RGS7: variants seen among roughly 807,000 people sequenced by gnomAD.
RGS7 encodes the protein regulator of G-protein signaling 7.
RGS7 carries 27 observed loss-of-function variants against 81.1 expected under a neutral mutation model. That is an observed-to-expected ratio of 0.33 (90% CI 0.25 to 0.46). The LOEUF is 0.46. RGS7 is among the 20% of genes least tolerant of loss of function. The pLI is 1.00. For synonymous variants in RGS7, 208 were observed against 207.7 expected (o/e 1.00, Z -0.01); for missense variants, 396 against 607.4 (o/e 0.65, Z 3.66).
chr1:241,242,311 T>C (rs1402848626), intron 2 of RGS7, among the ~76,000 whole-genome samples: 4 of 112,840 alleles, frequency 3.5e-5, no homozygotes, highest in South Asian at 3.4e-4. Flanking sequence ...GATGAGTAGA[T>C]AGATAGATAG....
chr1:240,884,932 C>T (rs1318604474), intron 6 of RGS7, among the ~76,000 whole-genome samples: 5 of 152,156 alleles, frequency 3.3e-5, no homozygotes, highest in Admixed American at 1.3e-4. Flanking sequence ...AGAGCTTCTG[C>T]ACAGCAGAAG....
At position 241,147,727 on chromosome 1, in the gene RGS7, T is replaced by G. The variant is rs111646794; in HGVS notation, c.79-48965A>C. Among the ~76,000 whole-genome samples the G allele has an allele frequency of 4.5e-3, 647 of 143,704 alleles. 7 individuals are homozygous for G. The highest frequency in any genetic ancestry group is 0.016 in the African/African-American group (600 of 38,216). 94.3% of individuals were successfully genotyped at this position (143,704 alleles called of 152,430 possible). The stretch of plus-strand genomic sequence containing the variant: ...ATCAATTCACAAGGTAACAGAATTT[T>G]GATTTTTTTCCCCTTTTTAGGTGCG... On this transcript the variant is annotated intron_variant, in intron 2 of 18. Transcript: ENST00000440928.
intron 6 of RGS7, among the ~76,000 whole-genome samples, chr1:240,890,448 G>T (rs142140936): frequency 6.6e-6 from 1 of 152,276 alleles, no homozygotes; most frequent in Non-Finnish European, 1.5e-5. Context: ...ACCATACCCA[G>T]CCTTGCCTCC....
intron 10 of RGS7, among the ~76,000 whole-genome samples, chr1:240,819,946 A>G (rs567227578): frequency 6.6e-6 from 1 of 152,226 alleles, no homozygotes. Context: ...GGATAGTGAT[A>G]GCGTTTAACT....
rs556509692 is a variant in RGS7 at position 241,327,398 on chromosome 1, T to C, written c.78+28301A>G. 5.3e-5 allele frequency among the ~76,000 whole-genome samples: 8 copies of C among 152,266 alleles called. No individual in the cohort carries two copies. In the East Asian group the frequency reaches 1.5e-3, roughly 29 times the overall value. On this transcript the variant is annotated intron_variant, in intron 2 of 18. Coordinates refer to ENST00000440928, the MANE Select transcript of RGS7 (RefSeq NM_001364886.1). The stretch of plus-strand genomic sequence containing the variant: ...GATGAAGGCAATGAACTAAATAGCC[T>C]AAAGAGTAAAAACATGTTATTATGG...
At chr1:241,072,247 C>T (rs1308141087) in intron 3 of RGS7, among the ~76,000 whole-genome samples, 1 of 152,200 alleles carries the variant, frequency 6.6e-6, no homozygotes, top group Non-Finnish European at 1.5e-5. Context: ...GATGCCCTGG[C>T]CAAAGTGGCC....
chr1:240,994,518 T>A (rs1686977106), intron 3 of RGS7, among the ~76,000 whole-genome samples: 1 of 152,180 alleles, frequency 6.6e-6, no homozygotes, highest in South Asian at 2.1e-4. Flanking sequence ...ATTTATTGCA[T>A]ATCCTGTAAT....
At chr1:241,343,192 G>A (rs1290331311) in intron 2 of RGS7, among the ~76,000 whole-genome samples, 1 of 151,552 alleles carries the variant, frequency 6.6e-6, no homozygotes, top group Non-Finnish European at 1.5e-5. Context: ...AACCCGGGAG[G>A]TGGAGCTTGC....
chr1:240,872,348 A>T (rs1001286565), intron 6 of RGS7, among the ~76,000 whole-genome samples: 1 of 152,132 alleles, frequency 6.6e-6, no homozygotes, highest in African/African-American at 2.4e-5. Context: ...TCTTAGCTAC[A>T]CTTGGGAGGC....
intron 2 of RGS7, among the ~76,000 whole-genome samples, chr1:241,310,825 TATTC>T (rs1255197146): frequency 3.3e-5 from 5 of 152,168 alleles, no homozygotes; most frequent in Non-Finnish European, 7.4e-5. Context: ...TAAAATTCAC[TATTC>T]AATCAAAGGG....
At chr1:241,072,315 C>T (rs1207217305) in intron 3 of RGS7, among the ~76,000 whole-genome samples, 5 of 152,204 alleles carry the variant, frequency 3.3e-5, no homozygotes, top group East Asian at 1.9e-4. Flanking sequence ...GCGTTGGAAC[C>T]GTGTCTGGGC....
intron 3 of RGS7, among the ~76,000 whole-genome samples, chr1:240,993,093 A>AGGAAGGAAGGAAGGAGGGAGGGAGGGAG (rs201532830): frequency 1.2e-5 from 1 of 85,452 alleles, no homozygotes; most frequent in African/African-American, 5.0e-5. Context: ...GAAGGAAGGA[A>AGGAAGGAAGGAAGGAGGGAGGGAGGGAG]GGAGGGAGGG....
chr1:240,931,562 T>C (rs1675448258), intron 5 of RGS7, among the ~76,000 whole-genome samples: 1 of 152,020 alleles, frequency 6.6e-6, no homozygotes, highest in Non-Finnish European at 1.5e-5. Context: ...AAACACCTAT[T>C]ATGTACCCAC....
chr1:241,277,618 C>CAA (rs34520025), intron 2 of RGS7, among the ~76,000 whole-genome samples: 1,907 of 132,724 alleles, frequency 0.014, 25 homozygotes, highest in Non-Finnish European at 0.02. Flanking sequence ...GACTCCATCT[C>CAA]AAAAAAAAAA....
intron 2 of RGS7, among the ~76,000 whole-genome samples, chr1:241,247,159 C>G (rs2076587809): frequency 6.6e-6 from 1 of 152,080 alleles, no homozygotes; most frequent in African/African-American, 2.4e-5. Context: ...TAAGCTCTTT[C>G]AAAACAAGGA....
intron 2 of RGS7, among the ~76,000 whole-genome samples, chr1:241,338,355 A>C (rs968631089): frequency 6.6e-6 from 1 of 152,290 alleles, no homozygotes; most frequent in Non-Finnish European, 1.5e-5. Context: ...CTATCTCTAC[A>C]ACTTTAAGCA....
intron 3 of RGS7, among the ~76,000 whole-genome samples, chr1:241,078,429 T>G (rs753949131): frequency 2.1e-5 from 3 of 144,692 alleles, no homozygotes; most frequent in Non-Finnish European, 3.0e-5. Context: ...TTATATAATA[T>G]GTGGTCTGTG....
chr1:240,939,576 A>G (rs181906616), intron 4 of RGS7, among the ~76,000 whole-genome samples: 1 of 152,336 alleles, frequency 6.6e-6, no homozygotes, highest in Non-Finnish European at 1.5e-5. Flanking sequence ...TGGACGAGTG[A>G]AGAATATGCC....
At chr1:240,998,627 C>T in intron 3 of RGS7, 1 of 918,030 alleles carries the variant, frequency 1.1e-6, no homozygotes, top group East Asian at 2.6e-5. Context: ...AGGAGGCTCC[C>T]CATGTTGACT....
Sources: allele counts gnomAD v4.1 joint callset (sites outside exome capture counted in the v4.1 genomes callset), GRCh38; gene constraint gnomAD v4.1.1; transcripts MANE v1.5; gene names NCBI Gene and HGNC (gene_info 2026-07-23, HGNC 2026-07-21).